Variants in MACROH2A2 observed in about 807,000 individuals in gnomAD.
MACROH2A2 encodes macroH2A.2 histone.
In MACROH2A2, 6 loss-of-function variants were observed where a neutral mutation model predicts 37.6. The ratio of observed to expected loss-of-function variants is 0.16; its 90% CI spans 0.09 to 0.32. MACROH2A2 has a LOEUF of 0.32. MACROH2A2 is among the 10% of genes least tolerant of loss of function. The pLI, the probability that MACROH2A2 is intolerant of heterozygous loss-of-function variation, is 1.00. For missense variants in MACROH2A2, 290 were observed against 485.9 expected, an observed-to-expected ratio of 0.60 and a Z score of 3.79; for synonymous variants, 192 against 202.7, an observed-to-expected ratio of 0.95 and a Z score of 0.45.
intron 1 of MACROH2A2, among the ~76,000 whole-genome samples, chr10:70,071,821 C>T (rs1278799484): frequency 6.6e-6 from 1 of 152,160 alleles, no homozygotes; most frequent in Non-Finnish European, 1.5e-5. Flanking sequence ...AACAGCAGTA[C>T]ACATGTATAG....
intron 1 of MACROH2A2, among the ~76,000 whole-genome samples, chr10:70,054,414 C>T (rs1364794799): frequency 2.0e-5 from 3 of 152,174 alleles, no homozygotes; most frequent in African/African-American, 7.2e-5. Context: ...GAATTCAAAA[C>T]AAGGGCCCAG....
chr10:70,097,735 T>C (rs1308644366), intron 6 of MACROH2A2, among the ~76,000 whole-genome samples: 1 of 152,224 alleles, frequency 6.6e-6, no homozygotes, highest in African/African-American at 2.4e-5. Context: ...AATACCATTA[T>C]TGTACCCTTA....
chr10:70,060,525 T>C (rs2072044459), intron 1 of MACROH2A2, among the ~76,000 whole-genome samples: 1 of 152,132 alleles, frequency 6.6e-6, no homozygotes, highest in Non-Finnish European at 1.5e-5. Flanking sequence ...ACTCAGTTGC[T>C]CAGCAAACAT....
At chr10:70,062,828 G>C (rs989705547) in intron 1 of MACROH2A2, among the ~76,000 whole-genome samples, 25 of 152,284 alleles carry the variant, frequency 1.6e-4, no homozygotes, top group Middle Eastern at 3.4e-3. Context: ...AAGCTAAACT[G>C]TAAGGGTACA....
intron 4 of MACROH2A2, among the ~76,000 whole-genome samples, chr10:70,093,399 A>G (rs535861892): frequency 1.3e-5 from 2 of 152,216 alleles, no homozygotes; most frequent in African/African-American, 2.4e-5. Context: ...AGGCTAAGCA[A>G]TGGGCTATCA....
At chr10:70,065,419 C>T (rs2072073861) in intron 1 of MACROH2A2, among the ~76,000 whole-genome samples, 1 of 152,054 alleles carries the variant, frequency 6.6e-6, no homozygotes, top group Admixed American at 6.5e-5. Flanking sequence ...CAAAGATCAC[C>T]AGACATTTAA....
At chr10:70,054,157 G>T (rs1412118433) in intron 1 of MACROH2A2, among the ~76,000 whole-genome samples, 1 of 152,248 alleles carries the variant, frequency 6.6e-6, no homozygotes, top group African/African-American at 2.4e-5. Context: ...TTCCCGTCGC[G>T]TGCAGTGGAC....
In MACROH2A2 at chr10:70,107,664, G is replaced by A. The variant is rs558108123; in HGVS notation, c.779-1369G>A. On this transcript the variant is annotated intron_variant, in intron 7 of 8. Transcript: ENST00000373255. This position sits in a 1 kb window ranked among gnomAD's most constrained non-coding sequence, Gnocchi z 4.4. ...TAGGGGAGTAAACAGTAAAACAAAG[G>A]AGTATGACAGAAATTGTGAGACAAG... 1.3e-5 allele frequency among the ~76,000 whole-genome samples: 2 copies of A among 152,332 alleles called. No homozygotes were observed. Among genetic ancestry groups the A allele is most frequent in the African/African-American group, 4.8e-5 (2 of 41,580 alleles).
rs564399849 is a variant in MACROH2A2, at chr10:70,081,421, C to A, written c.172+5591C>A. 1.4e-4 allele frequency among the ~76,000 whole-genome samples: 22 copies of A among 151,962 alleles called. No individual in the cohort carries two copies. The South Asian group carries it at 4.6e-3, about 32-fold the overall frequency. On this transcript the variant is annotated intron_variant, in intron 2 of 8. Coordinates refer to ENST00000373255, the MANE Select transcript of MACROH2A2 (RefSeq NM_018649.3). The stretch of plus-strand genomic sequence containing the variant: ...AGGTCACCCAGAGAGAGCACAGGAC[C>A]CAGCATGAGTGACACCAGTGTGCCC...
At chr10:70,091,711 A>G (rs1321690104) in intron 3 of MACROH2A2, 46 bp from the exon 4 acceptor site, 3 of 1,284,652 alleles carry the variant, frequency 2.3e-6, no homozygotes, top group Non-Finnish European at 3.4e-6. Context: ...GAAATTGGGA[A>G]CTAGCAGGCT....
intron 2 of MACROH2A2, among the ~76,000 whole-genome samples, chr10:70,080,815 G>T (rs2072171276): frequency 6.7e-6 from 1 of 149,242 alleles, no homozygotes; most frequent in South Asian, 2.1e-4. Flanking sequence ...AACCCGGGAG[G>T]TGGAGGTTGC....
rs1291594342 is a variant in MACROH2A2, at chr10:70,107,584, T to TCGAGCTTAG, written c.779-1447_779-1439dup. Among the ~76,000 whole-genome samples, 3 of 152,264 alleles carry TCGAGCTTAG rather than the reference T, an allele frequency of 2.0e-5. No individual in the cohort carries two copies. In the East Asian group the frequency reaches 5.8e-4, roughly 29 times the overall value. On this transcript the variant is annotated intron_variant, in intron 7 of 8. Transcript: ENST00000373255. This position sits in a 1 kb window ranked among gnomAD's most constrained non-coding sequence, Gnocchi z 4.4. ...CTGGGGAGTCCCACAGGGACTTCCC[T>TCGAGCTTAG]CGAGCTTAGCAGCCACGGGGCTTTA...
Position 70,061,019 on chromosome 10 carries a change from C to A in MACROH2A2, c.-60+8019C>A, listed in dbSNP as rs191174130. The stretch of plus-strand genomic sequence containing the variant: ...AAAAGAAATATTGGTTTAAAGAAAC[C>A]AGACTACTTTGTCTTTTTATGAAGG... On this transcript the variant is annotated intron_variant, in intron 1 of 8. Transcript: ENST00000373255. Among the ~76,000 whole-genome samples, 173 of 151,700 alleles carry A rather than the reference C, an allele frequency of 1.1e-3. 1 individual carries two copies. Among genetic ancestry groups the A allele is most frequent in the African/African-American group, 4.0e-3 (166 of 41,380 alleles).
rs1201037451 is a variant in MACROH2A2, at chr10:70,107,903, G to T, written c.779-1130G>T. ...GTGGTCAGTACCCTGACTCTGTGGG[G>T]CCCAGGCACAGCTATTTTTTAAAAG... On this transcript the variant is annotated intron_variant, in intron 7 of 8. Coordinates refer to ENST00000373255, the MANE Select transcript of MACROH2A2 (RefSeq NM_018649.3). This position sits in a 1 kb window ranked among gnomAD's most constrained non-coding sequence, Gnocchi z 4.4. Among the ~76,000 whole-genome samples, 1 of 152,110 alleles carries T rather than the reference G, an allele frequency of 6.6e-6. No individual in the cohort carries two copies. The highest frequency in any genetic ancestry group is 1.9e-4 in the East Asian group (1 of 5,188).
chr10:70,098,181 G>C (rs967115329), intron 6 of MACROH2A2: 6 of 152,176 alleles, frequency 3.9e-5, no homozygotes, highest in African/African-American at 1.4e-4. Context: ...GTTCTAGGCT[G>C]CAGTGAACTG....
chr10:70,072,079 A>C (rs2136623180), intron 1 of MACROH2A2, among the ~76,000 whole-genome samples: 1 of 152,256 alleles, frequency 6.6e-6, no homozygotes, highest in South Asian at 2.1e-4. Flanking sequence ...TTTTTACTTT[A>C]TAAACTTTTT....
At chr10:70,086,871 G>C (rs2072215091) in intron 2 of MACROH2A2, among the ~76,000 whole-genome samples, 1 of 152,190 alleles carries the variant, frequency 6.6e-6, no homozygotes. Flanking sequence ...GCACAATGGA[G>C]AGCTGCACAT....
Position 70,095,665 on chromosome 10 carries a change from C to T in MACROH2A2, c.600C>T (p.Thr200=). 6.5e-7 allele frequency: 1 copy of T among 1,546,778 alleles called. No individual in the cohort carries two copies. The highest frequency in any genetic ancestry group is 1.1e-5 in the South Asian group (1 of 89,506). ...SLVLGQKLSL[T]QSDISHIGSM... ...TCTTCCTAATGCAGCTGTCCTTAAC[C>T]CAGAGTGACATCAGCCATATTGGCT... is the stretch of plus-strand genomic sequence containing the variant. The change falls in exon 6 of 9, where the codon ACC becomes ACT. Residue 200 remains threonine, a synonymous_variant. Coordinates refer to ENST00000373255, the MANE Select transcript of MACROH2A2 (RefSeq NM_018649.3).
Position 70,075,258 on chromosome 10 carries a change from T to C in MACROH2A2, c.-59-342T>C, listed in dbSNP as rs547765490. On this transcript the variant is annotated intron_variant, in intron 1 of 8. Transcript: ENST00000373255. The surrounding 1 kb of genome is among the most constrained non-coding windows in gnomAD (Gnocchi z 5.0). Reference sequence around the variant, plus strand: ...TCTGCAAAGTCTCTGTCATATAAGATAACAGTCACAGGTTCTGGGGATGAG... The same window carrying C: ...TCTGCAAAGTCTCTGTCATATAAGACAACAGTCACAGGTTCTGGGGATGAG... Among the ~76,000 whole-genome samples the C allele has an allele frequency of 6.6e-6, 1 of 152,348 alleles. No homozygotes were observed. Among genetic ancestry groups the C allele is most frequent in the East Asian group, 1.9e-4 (1 of 5,186 alleles).
Sources: allele counts gnomAD v4.1 joint callset (sites outside exome capture counted in the v4.1 genomes callset), GRCh38; gene constraint gnomAD v4.1.1; non-coding constraint Gnocchi (gnomAD v3.1); transcripts MANE v1.5; gene names NCBI Gene and HGNC (gene_info 2026-07-23, HGNC 2026-07-21).